Variants in DISC1 observed in about 807,000 individuals in gnomAD.
The protein encoded by DISC1 is DISC1 scaffold protein.
DISC1 carries 57 observed loss-of-function variants against 84.5 expected under a neutral mutation model. The observed-to-expected ratio is 0.67, with a 90% CI of 0.55 to 0.84. DISC1 has a LOEUF of 0.84. DISC1 is among the 40% of genes least tolerant of loss of function. The probability of loss-of-function intolerance (pLI) is 0.00; values close to 1 mark genes in which losing one functional copy is unlikely to be tolerated. For synonymous variants in DISC1, 411 were observed against 415.2 expected (o/e 0.99, Z 0.12); for missense variants, 1,000 against 1,057.8 (o/e 0.95, Z 0.76).
At chr1:231,716,138 C>T (rs929644279) in intron 3 of DISC1, among the ~76,000 whole-genome samples, 21 of 152,016 alleles carry the variant, frequency 1.4e-4, no homozygotes, top group Non-Finnish European at 2.4e-4. Flanking sequence ...ACCACTTACC[C>T]GCTACCCCCG....
In DISC1 at chr1:231,869,203, G is replaced by A. The variant is rs1417395478; in HGVS notation, c.1981+50686G>A. ...TGAATGAAAAGTGGTGAAGGAAGAAGATGGTTGGGTTTGGGAGAAGAATAT... is the reference window on the plus strand; with the variant it reads ...TGAATGAAAAGTGGTGAAGGAAGAAAATGGTTGGGTTTGGGAGAAGAATAT... On this transcript the variant is annotated intron_variant, in intron 9 of 12. Coordinates refer to ENST00000439617, the MANE Select transcript of DISC1 (RefSeq NM_018662.3). Among the ~76,000 whole-genome samples the A allele has an allele frequency of 3.3e-5, 5 of 152,300 alleles. No individual in the cohort carries two copies. The East Asian group carries it at 7.8e-4, about 24-fold the overall frequency.
chr1:231,993,968 A>G (rs1478769252), intron 10 of DISC1, among the ~76,000 whole-genome samples: 1 of 152,254 alleles, frequency 6.6e-6, no homozygotes, highest in African/African-American at 2.4e-5. Context: ...AAAGTTGGAA[A>G]GCACTTTAAA....
At chr1:231,701,280 C>A (rs2066382151) in intron 2 of DISC1, among the ~76,000 whole-genome samples, 1 of 152,120 alleles carries the variant, frequency 6.6e-6, no homozygotes, top group South Asian at 2.1e-4. Flanking sequence ...GATTCAATTA[C>A]CTCCCACGAC....
At chr1:231,776,438 G>A (rs959444297) in intron 6 of DISC1, among the ~76,000 whole-genome samples, 2 of 152,204 alleles carry the variant, frequency 1.3e-5, no homozygotes, top group Non-Finnish European at 1.5e-5. Flanking sequence ...GGCACAAAGT[G>A]TGAAACAAAC....
At chr1:231,801,826 T>G (rs904642744) in intron 8 of DISC1, among the ~76,000 whole-genome samples, 2 of 151,970 alleles carry the variant, frequency 1.3e-5, no homozygotes, top group African/African-American at 4.8e-5. Context: ...TCTTGGTTTT[T>G]TTTTTTTTTT....
At chr1:231,978,145 T>G (rs1663078834) in intron 10 of DISC1, among the ~76,000 whole-genome samples, 1 of 152,140 alleles carries the variant, frequency 6.6e-6, no homozygotes, top group African/African-American at 2.4e-5. Context: ...TGGCCGAGAA[T>G]TTGATTTTAT....
At chr1:231,906,467 G>A (rs1332968400) in intron 9 of DISC1, among the ~76,000 whole-genome samples, 1 of 152,220 alleles carries the variant, frequency 6.6e-6, no homozygotes, top group African/African-American at 2.4e-5. Context: ...ATCCCAGGGG[G>A]TGCTTTATGC....
At chr1:231,759,541 A>AC (rs1213355834) in intron 4 of DISC1, among the ~76,000 whole-genome samples, 88 of 147,456 alleles carry the variant, frequency 6.0e-4, no homozygotes, top group Non-Finnish European at 1.1e-3. Flanking sequence ...AAAAAAAAAA[A>AC]AAAAAAAAAA....
intron 9 of DISC1, among the ~76,000 whole-genome samples, chr1:231,861,922 A>G (rs1484904469): frequency 6.6e-6 from 1 of 152,146 alleles, no homozygotes; most frequent in African/African-American, 2.4e-5. Flanking sequence ...GTGCTGTTAA[A>G]TGCTTAGGAA....
chr1:231,637,024 A>G (rs542232195), intron 1 of DISC1, among the ~76,000 whole-genome samples: 1 of 152,170 alleles, frequency 6.6e-6, no homozygotes, highest in East Asian at 1.9e-4. Flanking sequence ...CTCATTGTTC[A>G]ATTCCCACTT....
intron 9 of DISC1, among the ~76,000 whole-genome samples, chr1:231,941,246 T>G (rs1011586537): frequency 6.6e-6 from 1 of 152,164 alleles, no homozygotes; most frequent in African/African-American, 2.4e-5. Context: ...CTTGGACATA[T>G]AAGACACCAG....
At chr1:231,636,628 G>T (rs78896097) in intron 1 of DISC1, among the ~76,000 whole-genome samples, 1 of 151,926 alleles carries the variant, frequency 6.6e-6, no homozygotes, top group Non-Finnish European at 1.5e-5. Flanking sequence ...AAAAGCATAA[G>T]GTAATACATG....
intron 9 of DISC1, among the ~76,000 whole-genome samples, chr1:231,942,055 G>A (rs71638409): frequency 3.3e-5 from 5 of 152,208 alleles, no homozygotes; most frequent in Middle Eastern, 3.4e-3. Flanking sequence ...TCTGGGGGCC[G>A]GGGGACGAGG....
rs2081890047 is a variant in DISC1 at position 231,826,796 on chromosome 1, T to A, written c.1981+8279T>A. On this transcript the variant is annotated intron_variant, in intron 9 of 12. Coordinates refer to ENST00000439617, the MANE Select transcript of DISC1 (RefSeq NM_018662.3). This position sits in a 1 kb window ranked among gnomAD's most constrained non-coding sequence, Gnocchi z 4.2. Reference sequence around the variant, plus strand: ...GAAATGGCAATCTTTTCCTTTGTATTCCTATAAGTAAATGCATTGGTTATT... The same window carrying A: ...GAAATGGCAATCTTTTCCTTTGTATACCTATAAGTAAATGCATTGGTTATT... 6.6e-6 allele frequency among the ~76,000 whole-genome samples: 1 copy of A among 152,248 alleles called. No homozygotes were observed. Among genetic ancestry groups the A allele is most frequent in the African/African-American group, 2.4e-5 (1 of 41,468 alleles).
At chr1:231,728,610 A>C (rs2071071341) in intron 3 of DISC1, among the ~76,000 whole-genome samples, 1 of 152,250 alleles carries the variant, frequency 6.6e-6, no homozygotes, top group South Asian at 2.1e-4. Flanking sequence ...ACTGCTTGAC[A>C]TATGAAACCA....
chr1:232,008,942 C>T lies in DISC1; in HGVS notation c.2200C>T (p.Pro734Ser), dbSNP rs763414549. The change falls in exon 11 of 13, where the codon CCC (proline) becomes TCC (serine). Residue 734 changes from proline (P) to serine (S), a missense_variant. Around this residue, in one of 3 missense-constraint regions of DISC1, gnomAD observed 397 missense variants for 377.5 expected, o/e 1.05. Coordinates refer to ENST00000439617, the MANE Select transcript of DISC1 (RefSeq NM_018662.3). ...AGAGGGAGCTGCTCCTCCTATTCCC[C>T]CCAGGCTCCACTCCGAGGATAAAAG... Reference protein sequence around the residue: ...DLEGAAPPIPPRLHSEDKRKT... With the variant: ...DLEGAAPPIPSRLHSEDKRKT... 10 of 1,613,678 alleles carry T rather than the reference C, an allele frequency of 6.2e-6. No homozygotes were observed. In the East Asian group the frequency reaches 1.6e-4, roughly 25 times the overall value.
intron 9 of DISC1, among the ~76,000 whole-genome samples, chr1:231,860,102 G>A (rs1332474790): frequency 6.6e-6 from 1 of 152,162 alleles, no homozygotes; most frequent in Non-Finnish European, 1.5e-5. Context: ...CTGAGAAATG[G>A]AGTGATGTCT....
At position 231,926,456 on chromosome 1, in the gene DISC1, G is replaced by C. The variant is rs113430596; in HGVS notation, c.1982-32372G>C. 5.6e-3 allele frequency among the ~76,000 whole-genome samples: 848 copies of C among 152,330 alleles called. 8 individuals carry two copies. The highest frequency in any genetic ancestry group is 0.019 in the African/African-American group (772 of 41,570). ...GCAGGAACAAAGGCTCTTCCCAGAA[G>C]CCTGTCTTCATTGTGCATTCTTTCA... On this transcript the variant is annotated intron_variant, in intron 9 of 12. Transcript: ENST00000439617.
rs1237153800 is a variant in DISC1 at position 231,675,526 on chromosome 1, A to G, written c.68-18300A>G. Reference sequence around the variant, plus strand: ...TGCTATTTGTACATTTCTCCCTCATACATGTACATTTACTCTCAAAATTTC... The same window carrying G: ...TGCTATTTGTACATTTCTCCCTCATGCATGTACATTTACTCTCAAAATTTC... On this transcript the variant is annotated intron_variant, in intron 1 of 12. Coordinates refer to ENST00000439617, the MANE Select transcript of DISC1 (RefSeq NM_018662.3). The surrounding 1 kb of genome is among the most constrained non-coding windows in gnomAD (Gnocchi z 4.1). Among the ~76,000 whole-genome samples, 1 of 152,092 alleles carries G rather than the reference A, an allele frequency of 6.6e-6. No individual in the cohort carries two copies. The highest frequency in any genetic ancestry group is 1.5e-5 in the Non-Finnish European group (1 of 67,998).
Sources: gnomAD v4.1 joint callset for allele counts (sites outside exome capture counted in the v4.1 genomes callset) on GRCh38, gnomAD v4.1.1 for gene constraint, gnomAD v4.1.1 regional missense constraint, Gnocchi (gnomAD v3.1) non-coding constraint, MANE v1.5 for transcripts, NCBI Gene and HGNC (gene_info 2026-07-23, HGNC 2026-07-21) for gene names.